NARF: variants seen among roughly 807,000 people sequenced by gnomAD.
NARF encodes the protein nuclear prelamin A recognition factor.
A neutral mutation model predicts 48.0 loss-of-function variants in NARF; 41 were observed. The ratio of observed to expected loss-of-function variants is 0.85; its 90% CI spans 0.66 to 1.11. The LOEUF (loss-of-function observed/expected upper bound fraction) is 1.11, where lower values mean the gene tolerates loss of function less well. Ranked by LOEUF, NARF falls within the 50% of genes least tolerant of loss-of-function variation. The pLI is 0.00. For missense variants in NARF, 613 were observed against 590.2 expected (o/e 1.04, Z -0.40); for synonymous variants, 215 against 225.5 (o/e 0.95, Z 0.42).
chr17:82,477,831 G>C (rs896935777), intron 5 of NARF: 1 of 152,300 alleles, frequency 6.6e-6, no homozygotes, highest in Non-Finnish European at 1.5e-5. Flanking sequence ...ATTTCTCTCT[G>C]TGGCTGCTTC....
intron 4 of NARF, 124 bp downstream of exon 4, chr17:82,469,020 A>C: frequency 9.4e-7 from 1 of 1,058,338 alleles, no homozygotes; most frequent in East Asian, 2.5e-5. Flanking sequence ...GTCTCTTGGA[A>C]CGTAAAAAGA....
In NARF at chr17:82,485,365, G is replaced by C. The variant is rs988736061; in HGVS notation, c.972-132G>C. ...GAACCCGGGAGGCAGAGGTTGCAGT[G>C]AGCCAAGATGGTGCCACTGCACTCC... On this transcript the variant is annotated intron_variant, in intron 9 of 10. Coordinates refer to ENST00000309794, the MANE Select transcript of NARF (RefSeq NM_012336.4). The C allele has an allele frequency of 3.0e-6, 3 of 985,762 alleles. No individual in the cohort carries two copies. In the African/African-American group the frequency reaches 4.9e-5, roughly 16 times the overall value. 61.1% of individuals were successfully genotyped at this position (985,762 alleles called of 1,614,324 possible).
Position 82,484,957 on chromosome 17 carries a change from G to A in NARF, c.971+7G>A. On this transcript the variant is annotated splice_region_variant and intron_variant, in intron 9 of 10. Coordinates refer to ENST00000309794, the MANE Select transcript of NARF (RefSeq NM_012336.4). ...TCACTTACCGAGCCCTGAGGTGTGG[G>A]GCAGTATCCACAGCCTGTCTGTGCC... 6.3e-7 allele frequency: 1 copy of A among 1,598,826 alleles called. No homozygotes were observed. The highest frequency in any genetic ancestry group is 8.5e-7 in the Non-Finnish European group (1 of 1,172,004).
At chr17:82,482,262 G>A (rs1009425522) in intron 7 of NARF, 4 of 433,644 alleles carry the variant, frequency 9.2e-6, no homozygotes, top group Admixed American at 2.6e-5. Flanking sequence ...ATTCTAGCAC[G>A]CAGACGCCTC....
Position 82,486,452 on chromosome 17 carries a change from G to A in NARF, c.1129+798G>A, listed in dbSNP as rs57580034. On this transcript the variant is annotated intron_variant, in intron 10 of 10. Coordinates refer to ENST00000309794, the MANE Select transcript of NARF (RefSeq NM_012336.4). ...CAAGGTGTGAAGCCACAGGATGGGA[G>A]GGGCCCTTGGGCAGGGCACAGACAA... 2.4e-3 allele frequency among the ~76,000 whole-genome samples: 373 copies of A among 152,288 alleles called. 3 individuals are homozygous for A. Among genetic ancestry groups the A allele is most frequent in the African/African-American group, 8.2e-3 (340 of 41,566 alleles).
intron 3 of NARF, chr17:82,468,540 T>C (rs2043623858): frequency 3.9e-6 from 2 of 506,938 alleles, no homozygotes; most frequent in Non-Finnish European, 6.9e-6. Flanking sequence ...TGTTTCATTT[T>C]TTAAATCCTG....
intron 8 of NARF, 96 bp downstream of exon 8, chr17:82,483,875 C>T (rs554082567): frequency 5.1e-6 from 6 of 1,180,154 alleles, no homozygotes; most frequent in Non-Finnish European, 6.2e-6. Flanking sequence ...TGCTTTATGA[C>T]GAGGCCATGT....
chr17:82,459,737 C>T (rs997006792), intron 1 of NARF, among the ~76,000 whole-genome samples: 3 of 152,000 alleles, frequency 2.0e-5, no homozygotes, highest in South Asian at 4.1e-4. Context: ...GGTGTGGTGG[C>T]GCACACCTGT....
intron 3 of NARF, among the ~76,000 whole-genome samples, chr17:82,467,660 A>T (rs933503988): frequency 6.6e-6 from 1 of 151,760 alleles, no homozygotes; most frequent in Non-Finnish European, 1.5e-5. Flanking sequence ...ACATGCCACC[A>T]CACCCAGCTA....
At chr17:82,470,569 A>G (rs1263264569) in intron 4 of NARF, among the ~76,000 whole-genome samples, 4 of 152,052 alleles carry the variant, frequency 2.6e-5, no homozygotes, top group Non-Finnish European at 5.9e-5. Flanking sequence ...ATCTCGGCTC[A>G]CTGCAAGCTC....
chr17:82,469,625 C>T (rs898547068), intron 4 of NARF, among the ~76,000 whole-genome samples: 1 of 151,878 alleles, frequency 6.6e-6, no homozygotes, highest in Non-Finnish European at 1.5e-5. Context: ...GTTTTTTGAG[C>T]TGGAGTCTCG....
At chr17:82,462,058 C>T (rs1161828581) in intron 2 of NARF, among the ~76,000 whole-genome samples, 2 of 152,192 alleles carry the variant, frequency 1.3e-5, no homozygotes, top group African/African-American at 4.8e-5. Context: ...GATATCTAAG[C>T]CCTGTGAGCC....
At chr17:82,468,556 TAA>T in intron 3 of NARF, 1 of 534,560 alleles carries the variant, frequency 1.9e-6, no homozygotes, top group Non-Finnish European at 3.2e-6. Context: ...TCCTGACTTT[TAA>T]AAAAATATTT....
At chr17:82,470,293 TC>T (rs2143867217) in intron 4 of NARF, among the ~76,000 whole-genome samples, 1 of 152,162 alleles carries the variant, frequency 6.6e-6, no homozygotes, top group East Asian at 1.9e-4. Flanking sequence ...GTTAGGTCGC[TC>T]CTTCATGCTT....
chr17:82,470,753 C>G (rs976953792), intron 4 of NARF, among the ~76,000 whole-genome samples: 5 of 152,102 alleles, frequency 3.3e-5, no homozygotes, highest in Non-Finnish European at 7.3e-5. Context: ...CTTGGACTCC[C>G]AAAGTACTGG....
rs777731226 is a variant in NARF at position 82,488,112 on chromosome 17, C to G, written c.1326C>G (p.Tyr442Ter). The G allele has an allele frequency of 1.2e-6, 2 of 1,614,028 alleles. No homozygotes were observed. The highest frequency in any genetic ancestry group is 1.7e-6 in the Non-Finnish European group (2 of 1,180,036). ...CCCGAGAGGTGCTGCATACCACGTA[C>G]CAGAGCCAGGAGCGTGGCACACACA... ...PKAREVLHTT[Y>*]QSQERGTHSL... The change falls in exon 11 of 11, where the codon TAC (tyrosine) becomes TAG (stop). Residue 442 changes from tyrosine (Y) to a stop codon, truncating the protein, a stop_gained. Coordinates refer to ENST00000309794, the MANE Select transcript of NARF (RefSeq NM_012336.4). LOFTEE classifies it high-confidence loss of function.
intron 3 of NARF, among the ~76,000 whole-genome samples, chr17:82,466,049 G>A (rs988981617): frequency 6.6e-6 from 1 of 152,140 alleles, no homozygotes; most frequent in African/African-American, 2.4e-5. Flanking sequence ...ATGCATACCC[G>A]TCCCCACCTG....
upstream of NARF, chr17:82,458,618 A>C (rs1743966324): frequency 4.4e-6 from 3 of 679,614 alleles, no homozygotes; most frequent in Non-Finnish European, 4.3e-6. Flanking sequence ...AAGGGTGGGG[A>C]ATCCTATTGG....
chr17:82,473,764 C>T (rs1402156014), intron 5 of NARF, among the ~76,000 whole-genome samples: 1 of 151,516 alleles, frequency 6.6e-6, no homozygotes, highest in African/African-American at 2.4e-5. Flanking sequence ...CGCCATGTTG[C>T]CCAGGCTGGT....
Sources: gnomAD v4.1 joint callset for allele counts (sites outside exome capture counted in the v4.1 genomes callset) on GRCh38, gnomAD v4.1.1 for gene constraint, MANE v1.5 for transcripts, NCBI Gene and HGNC (gene_info 2026-07-23, HGNC 2026-07-21) for gene names.